The following ARHGAP45 variants were observed in gnomAD, a reference collection of about 807,000 sequenced individuals.
The protein encoded by ARHGAP45 is Rho GTPase activating protein 45.
ARHGAP45 carries 56 observed loss-of-function variants against 116.1 expected under a neutral mutation model. The ratio of observed to expected loss-of-function variants is 0.48; its 90% CI spans 0.39 to 0.60. ARHGAP45 has a LOEUF of 0.60. ARHGAP45 is among the 20% of genes least tolerant of loss of function. The pLI, the probability that ARHGAP45 is intolerant of heterozygous loss-of-function variation, is 0.00. For missense variants in ARHGAP45, 1,622 were observed against 1,601.0 expected (o/e 1.01, Z -0.22); for synonymous variants, 866 against 701.7 (o/e 1.23, Z -3.70).
At position 1,069,325 on chromosome 19, in the gene ARHGAP45, C is replaced by T. The variant is rs1568451868; in HGVS notation, c.421+581C>T. On this transcript the variant is annotated intron_variant, in intron 2 of 22. Transcript: ENST00000313093. This position sits in a 1 kb window ranked among gnomAD's most constrained non-coding sequence, Gnocchi z 4.1. ...AGTTCCGTTTTCTCCTCCACGCGGC[C>T]GCTGACAGCCCTGCTTCCTGCCGAG... is the stretch of plus-strand genomic sequence containing the variant. Among the ~76,000 whole-genome samples, 1 of 152,290 alleles carries T rather than the reference C, an allele frequency of 6.6e-6. No individual in the cohort carries two copies. Among genetic ancestry groups the T allele is most frequent in the East Asian group, 1.9e-4 (1 of 5,178 alleles).
At chr19:1,066,249 T>C, upstream of ARHGAP45, 2 of 969,772 alleles carry the variant, frequency 2.1e-6, no homozygotes, top group South Asian at 3.5e-5. Context: ...GCAGGGAGAC[T>C]TGGGGAGGGG....
chr19:1,074,031 C>A lies in ARHGAP45; in HGVS notation c.790+17C>A. ...GTGACGCCGGTAAGCCCCCACCCAG[C>A]GGCAGGCAGGCATTTGAGGGGTGGG... On this transcript the variant is annotated intron_variant, in intron 6 of 22. Transcript: ENST00000313093. 2 of 1,596,974 alleles carry A rather than the reference C, an allele frequency of 1.3e-6. No homozygotes were observed. The highest frequency in any genetic ancestry group is 1.7e-6 in the Non-Finnish European group (2 of 1,172,456).
chr19:1,081,671 C>G lies in ARHGAP45; in HGVS notation c.2312C>G (p.Pro771Arg), dbSNP rs1164586761. 6.3e-7 allele frequency: 1 copy of G among 1,585,396 alleles called. No homozygotes were observed. Among genetic ancestry groups the G allele is most frequent in the Non-Finnish European group, 8.6e-7 (1 of 1,166,530 alleles). ...QDFSHAARSA[P>R]DGVPFIVKKC... ...TTCAGCCACGCGGCCCGCAGCGCCC[C>G]CGACGGCGTGCCCTTCATCGTCAAG... The change falls in exon 18 of 23, where the codon CCC (proline) becomes CGC (arginine). Residue 771 changes from proline to arginine, a missense_variant. Physicochemically the swap from Pro to Arg is moderately radical, Grantham distance 103. Coordinates refer to ENST00000313093, the MANE Select transcript of ARHGAP45 (RefSeq NM_012292.5).
In ARHGAP45 at chr19:1,083,991, C is replaced by A. The variant is rs560573742; in HGVS notation, c.2956-247C>A. 5.9e-5 allele frequency among the ~76,000 whole-genome samples: 9 copies of A among 152,270 alleles called. No individual in the cohort carries two copies. The East Asian group carries it at 1.5e-3, about 26-fold the overall frequency. On this transcript the variant is annotated intron_variant, in intron 21 of 22. Coordinates refer to ENST00000313093, the MANE Select transcript of ARHGAP45 (RefSeq NM_012292.5). ...GCTGACCTCAAGTGATCCGCACCCC[C>A]CTTGGCCTCCTGAAGTGCTGGGATT...
chr19:1,072,693 C>A (rs1005949471), intron 2 of ARHGAP45, among the ~76,000 whole-genome samples: 1 of 152,204 alleles, frequency 6.6e-6, no homozygotes, highest in Non-Finnish European at 1.5e-5. Context: ...TCAGAGCTAG[C>A]GTAGATGGAA....
At chr19:1,065,993 G>A, upstream of ARHGAP45, 1 of 1,530,576 alleles carries the variant, frequency 6.5e-7, no homozygotes, top group Non-Finnish European at 8.7e-7. Context: ...ACATCCAGCT[G>A]ACCCTCACCC....
intron 11 of ARHGAP45, among the ~76,000 whole-genome samples, chr19:1,079,314 A>G (rs1263598338): frequency 3.3e-5 from 5 of 151,462 alleles, no homozygotes; most frequent in African/African-American, 1.2e-4. Flanking sequence ...CAGCCTGGGC[A>G]ACATGGTGAA....
rs372547161 is a variant in ARHGAP45, at chr19:1,077,934, C to T, written c.1263C>T (p.Phe421=). The stretch of plus-strand genomic sequence containing the variant: ...GCGAGGACCACGACAAGGCTCGCTT[C>T]CTCGTGGCCAAGGCGGAGGAGGAGC... ...QRCEDHDKAR[F]LVAKAEEEQA... The change falls in exon 11 of 23, where the codon TTC becomes TTT. Residue 421 remains phenylalanine, a synonymous_variant. Transcript: ENST00000313093. 1.7e-5 allele frequency: 26 copies of T among 1,553,564 alleles called. No homozygotes were observed. Among genetic ancestry groups the T allele is most frequent in the Non-Finnish European group, 2.2e-5 (25 of 1,148,124 alleles).
intron 5 of ARHGAP45, 22 bp downstream of exon 5, chr19:1,073,768 C>G: frequency 6.4e-7 from 1 of 1,567,694 alleles, no homozygotes; most frequent in Non-Finnish European, 8.7e-7. Flanking sequence ...GGGCCAGGGC[C>G]ACCTGTGTCC....
rs756540853 is a variant in ARHGAP45 at position 1,085,909 on chromosome 19, C to G, written c.3314C>G (p.Ser1105Cys). 1.2e-6 allele frequency: 2 copies of G among 1,612,934 alleles called. No homozygotes were observed. The highest frequency in any genetic ancestry group is 3.3e-5 in the Admixed American group (2 of 60,022). Residue 1105 changes from serine (S) to cysteine (C), a missense_variant, in exon 23 of 23, where the codon TCC (serine) becomes TGC (cysteine). By Grantham distance (112) the Ser-to-Cys change is moderately radical (BLOSUM62 -1). Transcript: ENST00000313093. Reference protein sequence around the residue: ...QQLSGFNTNQSNNVLQAPLPP... With the variant: ...QQLSGFNTNQCNNVLQAPLPP... ...CTCTCAGGATTCAACACCAACCAGT[C>G]CAACAACGTGCTGCAGGCCCCACTG...
chr19:1,079,105 G>T (rs971235560), intron 11 of ARHGAP45, among the ~76,000 whole-genome samples: 1 of 151,588 alleles, frequency 6.6e-6, no homozygotes, highest in South Asian at 2.1e-4. Context: ...GCATGAACCC[G>T]GGAGGTGGAG....
chr19:1,070,796 T>C (rs1051731635), intron 2 of ARHGAP45, among the ~76,000 whole-genome samples: 1 of 152,168 alleles, frequency 6.6e-6, no homozygotes, highest in African/African-American at 2.4e-5. Context: ...GGGCGCCTTC[T>C]GTGCGTCTCG....
At chr19:1,067,953 C>G (rs2043069602) in intron 1 of ARHGAP45, among the ~76,000 whole-genome samples, 1 of 32,328 alleles carries the variant, frequency 3.1e-5, no homozygotes, top group Non-Finnish European at 5.4e-5. Flanking sequence ...GTCTACAAAG[C>G]TGGGGGGGGG....
In ARHGAP45 at chr19:1,068,614, C is replaced by T. The variant is rs143301743; in HGVS notation, c.291C>T (p.Ala97=). 11 of 1,611,270 alleles carry T rather than the reference C, an allele frequency of 6.8e-6. No homozygotes were observed. The highest frequency in any genetic ancestry group is 7.6e-6 in the Non-Finnish European group (9 of 1,179,212). The change falls in exon 2 of 23, where the codon GCC becomes GCT. Residue 97 remains alanine, a synonymous_variant. Coordinates refer to ENST00000313093, the MANE Select transcript of ARHGAP45 (RefSeq NM_012292.5). This position sits in a 1 kb window ranked among gnomAD's most constrained non-coding sequence, Gnocchi z 7.5. The part of the protein sequence containing the change: ...LGRSHRSPLT[A]ASPGELPTEG... ...GGAGCCACCGGAGCCCACTGACAGCCGCCAGCCCGGGCGAGCTGCCCACCG... is the reference window on the plus strand; with the variant it reads ...GGAGCCACCGGAGCCCACTGACAGCTGCCAGCCCGGGCGAGCTGCCCACCG...
rs1365758111 is a variant in ARHGAP45 at position 1,080,342 on chromosome 19, C to A, written c.1791C>A (p.Gly597=). 3.1e-6 allele frequency: 5 copies of A among 1,608,508 alleles called. No homozygotes were observed. Among genetic ancestry groups the A allele is most frequent in the Non-Finnish European group, 3.4e-6 (4 of 1,179,056 alleles). The change falls in exon 14 of 23, where the codon GGC becomes GGA. Residue 597 remains glycine (G), a synonymous_variant. Transcript: ENST00000313093. ...PEAAGSPPEE[G]GCTEGTPAKD... is the part of the protein sequence containing the mutation. ...CTGCCGGGAGCCCCCCAGAAGAAGG[C>A]GGGTGCACTGAGGGCACACCTGCCA...
In ARHGAP45 at chr19:1,079,996, G is replaced by C; in HGVS notation, c.1581G>C (p.Leu527=). 1 of 1,612,964 alleles carries C rather than the reference G, an allele frequency of 6.2e-7. No homozygotes were observed. The highest frequency in any genetic ancestry group is 1.6e-4 in the Middle Eastern group (1 of 6,062). Residue 527 remains leucine (L), a synonymous_variant, in exon 13 of 23, where the codon CTG becomes CTC. Coordinates refer to ENST00000313093, the MANE Select transcript of ARHGAP45 (RefSeq NM_012292.5). ...CGCTGCCCGTGCACTTCCAGATGCT[G>C]TGTGAGAGCAGCAAGCTGTATGACC... ...TAPLPVHFQM[L]CESSKLYDPG...
In ARHGAP45 at chr19:1,068,685, C is replaced by A; in HGVS notation, c.362C>A (p.Ala121Glu). 6.2e-7 allele frequency: 1 copy of A among 1,612,664 alleles called. No homozygotes were observed. Among genetic ancestry groups the A allele is most frequent in the Non-Finnish European group, 8.5e-7 (1 of 1,180,022 alleles). The change falls in exon 2 of 23, where the codon GCG (alanine) becomes GAG (glutamate). Residue 121 changes from alanine to glutamate, a missense_variant. Coordinates refer to ENST00000313093, the MANE Select transcript of ARHGAP45 (RefSeq NM_012292.5). This position sits in a 1 kb window ranked among gnomAD's most constrained non-coding sequence, Gnocchi z 7.5. ...GTCGAGGACATCTCCCATCTGCTGG[C>A]GGACGTGGCCCGCTTCGCTGAGGGC... ...DVVEDISHLL[A>E]DVARFAEGLE...
At chr19:1,082,783 C>T in intron 19 of ARHGAP45, 57 bp from the exon 20 acceptor site, 3 of 1,384,042 alleles carry the variant, frequency 2.2e-6, no homozygotes, top group African/African-American at 1.5e-5. Flanking sequence ...GCGTGGCAGG[C>T]ACACGTGGGG....
Position 1,079,763 on chromosome 19 carries a change from G to C in ARHGAP45, c.1435G>C (p.Glu479Gln), listed in dbSNP as rs542909389. 8.7e-6 allele frequency: 14 copies of C among 1,612,522 alleles called. No homozygotes were observed. The South Asian group carries it at 1.3e-4, about 15-fold the overall frequency. ...GGCCGACGCGAAGACGCAGAAGCAGGAGCTGGAGGATACCAAGGTGACGGC... is the reference window on the plus strand; with the variant it reads ...GGCCGACGCGAAGACGCAGAAGCAGCAGCTGGAGGATACCAAGGTGACGGC... ...CVADAKTQKQ[E>Q]LEDTKVTALR... The change falls in exon 12 of 23, where the codon GAG becomes CAG. Residue 479 changes from glutamate (E) to glutamine (Q), a missense_variant. By Grantham distance (29) the Glu-to-Gln change is conservative. This residue lies in a region of ARHGAP45 where 1,334 missense variants were observed against 1,263.8 expected (regional missense o/e 1.06). Coordinates refer to ENST00000313093, the MANE Select transcript of ARHGAP45 (RefSeq NM_012292.5).
Sources: allele counts gnomAD v4.1 joint callset (sites outside exome capture counted in the v4.1 genomes callset), GRCh38; gene constraint gnomAD v4.1.1; regional missense constraint gnomAD v4.1.1; non-coding constraint Gnocchi (gnomAD v3.1); transcripts MANE v1.5; gene names NCBI Gene and HGNC (gene_info 2026-07-23, HGNC 2026-07-21).